Variants in HIBCH observed in about 807,000 individuals in gnomAD.
HIBCH encodes the protein 3-hydroxyisobutyryl-CoA hydrolase, mitochondrial.
A neutral mutation model predicts 58.2 loss-of-function variants in HIBCH; 50 were observed. The observed-to-expected ratio is 0.86, with a 90% CI of 0.68 to 1.09. The LOEUF is 1.09. Among genes scored for constraint, HIBCH ranks in the 50% least tolerant of loss-of-function variants. The pLI is 0.00. For synonymous variants in HIBCH, 151 were observed against 146.9 expected (o/e 1.03, Z -0.20); for missense variants, 450 against 449.7 (o/e 1.00, Z -0.01).
rs1686734809 is a variant in HIBCH, at chr2:190,250,623, C to T, written c.664-897G>A. ...ACAGGATAATCACATGCCCATGTTT[C>T]CTTCCTGTTATAGCTCAAGGGAAGC... On this transcript the variant is annotated intron_variant, in intron 8 of 13. Coordinates refer to ENST00000359678, the MANE Select transcript of HIBCH (RefSeq NM_014362.4). The T allele has an allele frequency of 1.6e-5, 3 of 182,732 alleles. No individual in the cohort carries two copies. The South Asian group carries it at 3.4e-4, about 21-fold the overall frequency. The allele number at this position is 182,732 out of a possible 1,614,324, so 11.3% of individuals were successfully genotyped here.
intron 11 of HIBCH, among the ~76,000 whole-genome samples, chr2:190,238,241 C>T (rs568786268): frequency 1.3e-5 from 2 of 152,210 alleles, no homozygotes; most frequent in South Asian, 2.1e-4. Flanking sequence ...CTTGAGGAAT[C>T]GGCACATTGT....
chr2:190,269,660 T>C (rs1687335691), intron 6 of HIBCH, among the ~76,000 whole-genome samples: 1 of 152,152 alleles, frequency 6.6e-6, no homozygotes, highest in Non-Finnish European at 1.5e-5. Flanking sequence ...GGAAGACAGT[T>C]TGGTGATTTC....
At chr2:190,318,520 G>A (rs773557718) in intron 1 of HIBCH, among the ~76,000 whole-genome samples, 6 of 152,052 alleles carry the variant, frequency 3.9e-5, no homozygotes, top group Non-Finnish European at 5.9e-5. Flanking sequence ...CCCACTTCAG[G>A]GCTGAGTCTG....
chr2:190,309,238 C>G (rs1298751390), intron 2 of HIBCH, among the ~76,000 whole-genome samples: 1 of 152,096 alleles, frequency 6.6e-6, no homozygotes, highest in Non-Finnish European at 1.5e-5. Flanking sequence ...TTACCACAAA[C>G]TAACAAAAAA....
rs183912681 is a variant in HIBCH at position 190,298,561 on chromosome 2, G to C, written c.79-1608C>G. ...ATACATGTCGTCTTTTGAGAAGTCT[G>C]TTCATATCCTTCTCCCACTTTTTGA... On this transcript the variant is annotated intron_variant, in intron 2 of 13. Transcript: ENST00000359678. 1.0e-3 allele frequency among the ~76,000 whole-genome samples: 153 copies of C among 151,666 alleles called. 2 individuals are homozygous for C. The highest frequency in any genetic ancestry group is 3.5e-3 in the South Asian group (17 of 4,810).
At chr2:190,271,361 T>C (rs965155707) in intron 6 of HIBCH, among the ~76,000 whole-genome samples, 1 of 144,034 alleles carries the variant, frequency 6.9e-6, no homozygotes, top group African/African-American at 2.6e-5. Context: ...TGATCTCAGC[T>C]CACTGCAACC....
rs1477347039 is a variant in HIBCH at position 190,210,053 on chromosome 2, A to G, written c.1012-1140T>C. On this transcript the variant is annotated intron_variant, in intron 12 of 13. Transcript: ENST00000359678. This position sits in a 1 kb window ranked among gnomAD's most constrained non-coding sequence, Gnocchi z 5.5. Reference sequence around the variant, plus strand: ...TCCCAATCATTTTTAAACATGTTCTAGTACCTTCCATCTTACAAAATAAAA... The same window carrying G: ...TCCCAATCATTTTTAAACATGTTCTGGTACCTTCCATCTTACAAAATAAAA... Among the ~76,000 whole-genome samples the G allele has an allele frequency of 6.6e-6, 1 of 152,174 alleles. No individual in the cohort carries two copies. The highest frequency in any genetic ancestry group is 6.5e-5 in the Admixed American group (1 of 15,278).
At chr2:190,199,863 G>GGGCTGCAT, downstream of HIBCH, 1 of 1,613,328 alleles carries the variant, frequency 6.2e-7, no homozygotes, top group Non-Finnish European at 8.5e-7. Context: ...TTCATAACAT[G>GGGCTGCAT]GGCTGCATGA....
At chr2:190,273,678 G>A (rs138427684) in intron 6 of HIBCH, among the ~76,000 whole-genome samples, 369 of 147,522 alleles carry the variant, frequency 2.5e-3, no homozygotes, top group African/African-American at 8.6e-3. Context: ...CTTAAAGAAA[G>A]CTCCTTTCAT....
chr2:190,286,545 TC>T (rs1230272444), intron 6 of HIBCH, among the ~76,000 whole-genome samples: 23 of 152,332 alleles, frequency 1.5e-4, no homozygotes, highest in African/African-American at 5.3e-4. Flanking sequence ...TCAGTTCAAT[TC>T]ACCATCTTCT....
chr2:190,246,107 C>T (rs765411943), intron 10 of HIBCH, 47 bp downstream of exon 10: 4 of 1,077,116 alleles, frequency 3.7e-6, no homozygotes, highest in Admixed American at 3.4e-5. Context: ...TTCATTTTAA[C>T]ATAGTCTTTC....
At chr2:190,314,336 T>C (rs1228703029) in intron 1 of HIBCH, among the ~76,000 whole-genome samples, 31 of 102,686 alleles carry the variant, frequency 3.0e-4, no homozygotes, top group African/African-American at 6.3e-4. Flanking sequence ...TATGTATATA[T>C]ACATATATAT....
intron 2 of HIBCH, among the ~76,000 whole-genome samples, chr2:190,302,593 G>T (rs1184190499): frequency 6.6e-6 from 1 of 152,168 alleles, no homozygotes; most frequent in Non-Finnish European, 1.5e-5. Flanking sequence ...ATCAGCAGGG[G>T]AAAATTTCGG....
chr2:190,208,964 T>C (rs1189377435), intron 12 of HIBCH, 51 bp from the exon 13 acceptor site: 2 of 1,534,142 alleles, frequency 1.3e-6, no homozygotes, highest in Admixed American at 1.7e-5. Context: ...GTCCTTATTC[T>C]GGGTTATTTT....
downstream of HIBCH, chr2:190,199,690 T>TTGAC: frequency 1.4e-6 from 2 of 1,427,554 alleles, no homozygotes; most frequent in Non-Finnish European, 1.8e-6. Context: ...CTACCTTCTC[T>TTGAC]TGACAGGTAA....
chr2:190,270,399 G>C (rs1022263222), intron 6 of HIBCH, among the ~76,000 whole-genome samples: 1 of 151,756 alleles, frequency 6.6e-6, no homozygotes, highest in Non-Finnish European at 1.5e-5. Context: ...TCAACTTGGT[G>C]CTCAAAAAGT....
At chr2:190,274,995 G>A (rs1687510395) in intron 6 of HIBCH, among the ~76,000 whole-genome samples, 1 of 152,158 alleles carries the variant, frequency 6.6e-6, no homozygotes, top group South Asian at 2.1e-4. Context: ...AAAATAATCT[G>A]CTCAAAATAA....
intron 9 of HIBCH, among the ~76,000 whole-genome samples, chr2:190,246,480 C>T (rs993948749): frequency 6.6e-6 from 1 of 152,126 alleles, no homozygotes; most frequent in African/African-American, 2.4e-5. Flanking sequence ...TTACATTTGA[C>T]ACATTATCAT....
intron 11 of HIBCH, among the ~76,000 whole-genome samples, chr2:190,229,812 A>T (rs1169176153): frequency 1.3e-5 from 2 of 152,048 alleles, no homozygotes; most frequent in Non-Finnish European, 2.9e-5. Flanking sequence ...AAACTAAGAG[A>T]CACTACTATT....
Sources: gnomAD v4.1 joint callset for allele counts (sites outside exome capture counted in the v4.1 genomes callset) on GRCh38, gnomAD v4.1.1 for gene constraint, Gnocchi (gnomAD v3.1) non-coding constraint, MANE v1.5 for transcripts, NCBI Gene and HGNC (gene_info 2026-07-23, HGNC 2026-07-21) for gene names.